Variants in SLC39A14 observed in about 807,000 individuals in gnomAD.
SLC39A14 encodes the protein metal cation symporter ZIP14.
A neutral mutation model predicts 45.5 loss-of-function variants in SLC39A14; 19 were observed. The ratio of observed to expected loss-of-function variants is 0.42; its 90% CI spans 0.29 to 0.61. The LOEUF (loss-of-function observed/expected upper bound fraction) is 0.61. Ranked by LOEUF, SLC39A14 falls within the 20% of genes least tolerant of loss-of-function variation. The pLI, the probability that SLC39A14 is intolerant of heterozygous loss-of-function variation, is 0.22. For synonymous variants in SLC39A14, 264 were observed against 251.3 expected (o/e 1.05, Z -0.48); for missense variants, 447 against 616.5 (o/e 0.73, Z 2.91).
rs373230777 is a variant in SLC39A14, at chr8:22,371,414, C to CTTTTTTTTTT, written c.-16+4034_-16+4043dup. On this transcript the variant is annotated intron_variant, in intron 1 of 8. Transcript: ENST00000381237. ...GGATATCTAAAAAAAAAATACATGT[C>CTTTTTTTTTT]TTTTTTTTTTTTTTTTTTTTTTTTT... Among the ~76,000 whole-genome samples, 57 of 120,110 alleles carry CTTTTTTTTTT rather than the reference C, an allele frequency of 4.7e-4. 9 individuals are homozygous for CTTTTTTTTTT. Among genetic ancestry groups the CTTTTTTTTTT allele is most frequent in the Non-Finnish European group, 8.5e-4 (42 of 49,468 alleles). The allele number at this position is 120,110 out of a possible 152,430, so 78.8% of individuals were successfully genotyped here.
In SLC39A14 at chr8:22,395,093, T is replaced by G. The variant is rs549707517; in HGVS notation, c.-15-9603T>G. ...GGTGCAATATTGGCTCACTGCAACC[T>G]TCGCCTCCCGGGTTCAAGCAATTCC... On this transcript the variant is annotated intron_variant, in intron 1 of 8. Coordinates refer to ENST00000381237, the MANE Select transcript of SLC39A14 (RefSeq NM_001128431.4). Among the ~76,000 whole-genome samples, 234 of 152,078 alleles carry G rather than the reference T, an allele frequency of 1.5e-3. 1 individual carries two copies. The highest frequency in any genetic ancestry group is 5.4e-3 in the African/African-American group (225 of 41,472).
chr8:22,382,032 T>G (rs1416741947), intron 1 of SLC39A14, among the ~76,000 whole-genome samples: 3 of 151,984 alleles, frequency 2.0e-5, no homozygotes, highest in African/African-American at 7.3e-5. Flanking sequence ...TCCCAGCTAC[T>G]TGGGAGGCTG....
chr8:22,384,102 T>A (rs1277510975), intron 1 of SLC39A14, among the ~76,000 whole-genome samples: 1 of 152,064 alleles, frequency 6.6e-6, no homozygotes, highest in Admixed American at 6.5e-5. Context: ...GGTGAACTGG[T>A]GTGTGCAGTG....
rs1302467749 is a variant in SLC39A14, at chr8:22,408,799, C to T, written c.457+303C>T. On this transcript the variant is annotated intron_variant, in intron 3 of 8. Coordinates refer to ENST00000381237, the MANE Select transcript of SLC39A14 (RefSeq NM_001128431.4). The stretch of plus-strand genomic sequence containing the variant: ...TGTTTCATGTTGAACCACGGGGGCC[C>T]AACCCTTTGGCTTTTTTAATCTTTT... Among the ~76,000 whole-genome samples the T allele has an allele frequency of 2.0e-5, 3 of 151,672 alleles. No homozygotes were observed. The East Asian group carries it at 5.8e-4, about 29-fold the overall frequency.
At position 22,404,856 on chromosome 8, in the gene SLC39A14, A is replaced by G; in HGVS notation, c.146A>G (p.His49Arg). The part of the protein sequence containing the change: ...SAASFLQDLI[H>R]RYGEGDSLTL... The stretch of plus-strand genomic sequence containing the variant: ...GCCTCCTTCCTGCAGGATCTAATAC[A>G]TCGGTATGGCGAGGGTGACAGCCTC... The change falls in exon 2 of 9, where the codon CAT becomes CGT. Residue 49 changes from histidine to arginine, a missense_variant. His to Arg is a conservative substitution (Grantham distance 29, BLOSUM62 0). Transcript: ENST00000381237. 15 of 1,614,128 alleles carry G rather than the reference A, an allele frequency of 9.3e-6. No homozygotes were observed. Among genetic ancestry groups the G allele is most frequent in the Non-Finnish European group, 1.3e-5 (15 of 1,180,016 alleles).
chr8:22,410,362 A>G lies in SLC39A14; in HGVS notation c.458-1675A>G, dbSNP rs117786085. On this transcript the variant is annotated intron_variant, in intron 3 of 8. Transcript: ENST00000381237. ...CAATTTCCCTCCTCCTGGGGACTTG[A>G]CAGTCTCCCCTCCCTTGTTAAGCCC... Among the ~76,000 whole-genome samples, 89 of 152,268 alleles carry G rather than the reference A, an allele frequency of 5.8e-4. 2 individuals are homozygous for G. In the East Asian group the frequency reaches 0.017, roughly 29 times the overall value.
At chr8:22,397,179 G>C (rs1026582916) in intron 1 of SLC39A14, among the ~76,000 whole-genome samples, 2 of 152,136 alleles carry the variant, frequency 1.3e-5, no homozygotes, top group Non-Finnish European at 2.9e-5. Context: ...CGAAAATTGG[G>C]CTTCAGATTC....
intron 1 of SLC39A14, among the ~76,000 whole-genome samples, chr8:22,370,941 C>G (rs1204359689): frequency 6.6e-6 from 1 of 152,172 alleles, no homozygotes; most frequent in African/African-American, 2.4e-5. Flanking sequence ...CTGTCGCCAG[C>G]CAGGGCTTCA....
chr8:22,402,965 G>GGTGT (rs1325757145), intron 1 of SLC39A14, among the ~76,000 whole-genome samples: 2 of 110,938 alleles, frequency 1.8e-5, no homozygotes, highest in Admixed American at 8.8e-5. Context: ...TTTTAGTTAT[G>GGTGT]GTGTTTGTTT....
intron 8 of SLC39A14, among the ~76,000 whole-genome samples, chr8:22,430,067 G>A (rs1288367352): frequency 6.6e-6 from 1 of 152,230 alleles, no homozygotes; most frequent in African/African-American, 2.4e-5. Flanking sequence ...CAGCAGACAT[G>A]AGGGAAGAAG....
chr8:22,394,502 G>A (rs978128930), intron 1 of SLC39A14, among the ~76,000 whole-genome samples: 2 of 151,556 alleles, frequency 1.3e-5, no homozygotes, highest in African/African-American at 4.9e-5. Context: ...TGTATTTTTA[G>A]TAGAGACGGG....
intron 2 of SLC39A14, among the ~76,000 whole-genome samples, chr8:22,405,705 G>T (rs1835172983): frequency 6.6e-6 from 1 of 152,180 alleles, no homozygotes; most frequent in African/African-American, 2.4e-5. Flanking sequence ...TCAAGGTGCA[G>T]GTGAGATTAT....
intron 4 of SLC39A14, among the ~76,000 whole-genome samples, chr8:22,414,265 G>A (rs536867293): frequency 2.6e-4 from 39 of 152,230 alleles, no homozygotes; most frequent in African/African-American, 9.1e-4. Flanking sequence ...TTGGTTCTGT[G>A]GTCACTGGGA....
chr8:22,428,116 T>C (rs1836414554), intron 8 of SLC39A14, among the ~76,000 whole-genome samples: 1 of 151,826 alleles, frequency 6.6e-6, no homozygotes, highest in South Asian at 2.1e-4. Flanking sequence ...CTGACCAACA[T>C]GGGGAAACCC....
At chr8:22,416,708 T>C (rs1159782037) in intron 7 of SLC39A14, among the ~76,000 whole-genome samples, 2 of 152,114 alleles carry the variant, frequency 1.3e-5, no homozygotes, top group Non-Finnish European at 2.9e-5. Flanking sequence ...GTGCTGGGAT[T>C]ACAGGCTTGA....
chr8:22,411,782 A>C (rs1320818630), intron 3 of SLC39A14: 1 of 443,032 alleles, frequency 2.3e-6, no homozygotes, highest in African/African-American at 2.0e-5. Context: ...GGCCACCTTG[A>C]ATTCCTCTTT....
Position 22,419,803 on chromosome 8 carries a change from G to A in SLC39A14, c.*105G>A. Reference sequence around the variant, plus strand: ...TGCACCACGGAAGAGGCCGTTCTATGAAAAACTGACACAGACTGTATTCCT... The same window carrying A: ...TGCACCACGGAAGAGGCCGTTCTATAAAAAACTGACACAGACTGTATTCCT... On this transcript the variant is annotated 3_prime_UTR_variant, in exon 9 of 9. Coordinates refer to ENST00000381237, the MANE Select transcript of SLC39A14 (RefSeq NM_001128431.4). 6.9e-7 allele frequency: 1 copy of A among 1,456,634 alleles called. No homozygotes were observed. Among genetic ancestry groups the A allele is most frequent in the Non-Finnish European group, 9.0e-7 (1 of 1,107,476 alleles). 90.2% of individuals were successfully genotyped at this position (1,456,634 alleles called of 1,614,324 possible).
chr8:22,403,186 C>T (rs1315591199), intron 1 of SLC39A14, among the ~76,000 whole-genome samples: 3 of 152,136 alleles, frequency 2.0e-5, no homozygotes, highest in Non-Finnish European at 2.9e-5. Context: ...CTGTGTTAGC[C>T]AGGATGGTCT....
chr8:22,402,422 A>T (rs1018526102), intron 1 of SLC39A14, among the ~76,000 whole-genome samples: 1 of 151,850 alleles, frequency 6.6e-6, no homozygotes, highest in Non-Finnish European at 1.5e-5. Context: ...TTATTTATGC[A>T]GTCAATGGTA....
Sources: allele counts gnomAD v4.1 joint callset (sites outside exome capture counted in the v4.1 genomes callset), GRCh38; gene constraint gnomAD v4.1.1; transcripts MANE v1.5; gene names NCBI Gene and HGNC (gene_info 2026-07-23, HGNC 2026-07-21).